Variants in HIBCH observed in about 807,000 individuals in gnomAD.
The protein encoded by HIBCH is 3-hydroxyisobutyryl-CoA hydrolase, mitochondrial.
In HIBCH, 50 loss-of-function variants were observed where a neutral mutation model predicts 58.2. The observed-to-expected ratio is 0.86, with a 90% CI of 0.68 to 1.09. The LOEUF is 1.09. Ranked by LOEUF, HIBCH falls within the 50% of genes least tolerant of loss-of-function variation. HIBCH has a pLI of 0.00. For missense variants in HIBCH, 450 were observed against 449.7 expected, an observed-to-expected ratio of 1.00 and a Z score of -0.01; for synonymous variants, 151 against 146.9, an observed-to-expected ratio of 1.03 and a Z score of -0.20.
chr2:190,200,708 C>A (rs1484948548), downstream of HIBCH: 1 of 169,474 alleles, frequency 5.9e-6, no homozygotes, highest in East Asian at 1.9e-4. Context: ...AGTGTAACTA[C>A]CACCTTGGAC....
At position 190,294,640 on chromosome 2, in the gene HIBCH, T is replaced by G; in HGVS notation, c.220-10A>C. ...GATCTTGTTCCCACTTCTATTCAAA[T>G]GTAACAGAAGATGGTATAAGCATAT... On this transcript the variant is annotated splice_polypyrimidine_tract_variant and intron_variant, in intron 3 of 13. Coordinates refer to ENST00000359678, the MANE Select transcript of HIBCH (RefSeq NM_014362.4). 1 of 1,579,420 alleles carries G rather than the reference T, an allele frequency of 6.3e-7. No homozygotes were observed.
chr2:190,291,352 A>C (rs1463466125), intron 4 of HIBCH, among the ~76,000 whole-genome samples: 4 of 152,218 alleles, frequency 2.6e-5, no homozygotes, highest in Non-Finnish European at 5.9e-5. Context: ...TGCTGTCAGA[A>C]TGGGAGCAGG....
At chr2:190,295,177 G>T (rs1318822760) in intron 3 of HIBCH, among the ~76,000 whole-genome samples, 2 of 152,184 alleles carry the variant, frequency 1.3e-5, no homozygotes, top group Admixed American at 1.3e-4. Context: ...ATGAAAATGT[G>T]AAAGTCCAGA....
intron 4 of HIBCH, among the ~76,000 whole-genome samples, chr2:190,291,662 C>T (rs897192364): frequency 7.9e-5 from 12 of 152,130 alleles, no homozygotes; most frequent in Non-Finnish European, 1.3e-4. Flanking sequence ...CATACCACTG[C>T]CTGGCTTAAA....
chr2:190,203,147 T>TA (rs1690300016), downstream of HIBCH: 1 of 167,106 alleles, frequency 6.0e-6, no homozygotes. Context: ...GGGGAAACTA[T>TA]ACTTTTGTAT....
chr2:190,319,010 T>C lies in HIBCH; in HGVS notation c.35+706A>G, dbSNP rs181776990. Among the ~76,000 whole-genome samples the C allele has an allele frequency of 1.3e-4, 20 of 152,238 alleles. No individual in the cohort carries two copies. In the East Asian group the frequency reaches 3.5e-3, roughly 27 times the overall value. On this transcript the variant is annotated intron_variant, in intron 1 of 13. Transcript: ENST00000359678. ...TTAAAGAATCCAGTAATTTAAGTCG[T>C]CCTTATTTTAAAGAAATAAGGACGG...
chr2:190,194,468 T>G (rs1240203151), intron 1 of HIBCH, among the ~76,000 whole-genome samples: 1 of 141,220 alleles, frequency 7.1e-6, no homozygotes, highest in African/African-American at 2.8e-5. Context: ...TTCCCACGTA[T>G]CCTGTGTATA....
chr2:190,251,567 G>A (rs959019437), intron 8 of HIBCH: 28 of 436,398 alleles, frequency 6.4e-5, no homozygotes, highest in East Asian at 8.5e-5. Flanking sequence ...TTCTGCAGAC[G>A]GGAAAATGGG....
rs139865846 is a variant in HIBCH at position 190,288,167 on chromosome 2, T to A, written c.386-529A>T. 7.2e-4 allele frequency among the ~76,000 whole-genome samples: 4 copies of A among 5,546 alleles called. 1 individual carries two copies. Among genetic ancestry groups the A allele is most frequent in the African/African-American group, 1.4e-3 (4 of 2,762 alleles). 3.6% of individuals were successfully genotyped at this position (5,546 alleles called of 152,430 possible). A position where few individuals can be genotyped will look rare whatever the true frequency, so the allele number is the denominator to read the frequency against. On this transcript the variant is annotated intron_variant, in intron 5 of 13. Transcript: ENST00000359678. ...GACCAAGACCCTATCTTTTTTTTTT[T>A]TTTTTTTAAAAAAAGGAAGAGCTAT...
chr2:190,288,881 G>C (rs1022342488), intron 5 of HIBCH, among the ~76,000 whole-genome samples: 1 of 152,148 alleles, frequency 6.6e-6, no homozygotes, highest in Non-Finnish European at 1.5e-5. Flanking sequence ...GGAGGCCGGG[G>C]CAGATGGATC....
At chr2:190,233,568 C>A (rs1017456336) in intron 11 of HIBCH, among the ~76,000 whole-genome samples, 2 of 152,210 alleles carry the variant, frequency 1.3e-5, no homozygotes, top group African/African-American at 2.4e-5. Flanking sequence ...TCCATTAAAT[C>A]TCTTTCTTTT....
intron 6 of HIBCH, among the ~76,000 whole-genome samples, chr2:190,261,538 C>T (rs966224790): frequency 2.6e-5 from 4 of 151,900 alleles, no homozygotes; most frequent in Admixed American, 2.0e-4. Context: ...AAGTAACCTA[C>T]GATTTTTTTC....
intron 6 of HIBCH, among the ~76,000 whole-genome samples, chr2:190,263,389 C>T (rs962164056): frequency 6.6e-6 from 1 of 152,096 alleles, no homozygotes; most frequent in Non-Finnish European, 1.5e-5. Context: ...GGCTTTGAGG[C>T]ACCATACATT....
At chr2:190,293,997 A>G (rs1389881467) in intron 4 of HIBCH, among the ~76,000 whole-genome samples, 2 of 138,552 alleles carry the variant, frequency 1.4e-5, no homozygotes, top group African/African-American at 5.3e-5. Context: ...CTTACAATAT[A>G]TATTTTGTAA....
chr2:190,282,608 T>C (rs1162493516), intron 6 of HIBCH, among the ~76,000 whole-genome samples: 4 of 152,148 alleles, frequency 2.6e-5, no homozygotes, highest in Admixed American at 6.5e-5. Flanking sequence ...AACCTCAACA[T>C]GGGTTTTGGT....
intron 1 of HIBCH, among the ~76,000 whole-genome samples, chr2:190,313,826 T>TATA (rs1387489282): frequency 6.6e-6 from 1 of 152,106 alleles, no homozygotes; most frequent in African/African-American, 2.4e-5. Flanking sequence ...ACTAACACTT[T>TATA]ATAATTATGA....
Position 190,205,004 on chromosome 2 carries a change from G to A in HIBCH, c.*113C>T, listed in dbSNP as rs571627590. ...TCTTTTCCCAACCATTTAAAAATGC[G>A]GAAACCATTCTTAGCTTACAGGGTA... On this transcript the variant is annotated 3_prime_UTR_variant, in exon 14 of 14. Coordinates refer to ENST00000359678, the MANE Select transcript of HIBCH (RefSeq NM_014362.4). The A allele has an allele frequency of 1.6e-5, 11 of 687,858 alleles. No individual in the cohort carries two copies. Among genetic ancestry groups the A allele is most frequent in the East Asian group, 2.7e-5 (1 of 36,832 alleles). 42.6% of individuals were successfully genotyped at this position (687,858 alleles called of 1,614,324 possible). A position where few individuals can be genotyped will look rare whatever the true frequency, so the allele number is the denominator to read the frequency against.
downstream of HIBCH, among the ~76,000 whole-genome samples, chr2:190,199,380 G>A (rs1173621290): frequency 1.3e-5 from 2 of 152,106 alleles, no homozygotes; most frequent in South Asian, 2.1e-4. Context: ...CCAATGGTTT[G>A]CTAGCCCTTG....
downstream of HIBCH, chr2:190,202,468 G>A (rs754763986): frequency 1.2e-5 from 2 of 166,900 alleles, no homozygotes; most frequent in Non-Finnish European, 2.9e-5. Context: ...TAAGAGAGAT[G>A]AATAAACAAA....
Sources: gnomAD v4.1 joint callset for allele counts (sites outside exome capture counted in the v4.1 genomes callset) on GRCh38, gnomAD v4.1.1 for gene constraint, MANE v1.5 for transcripts, NCBI Gene and HGNC (gene_info 2026-07-23, HGNC 2026-07-21) for gene names.